Variants in HMCN2 observed in about 807,000 individuals in gnomAD.
HMCN2 encodes hemicentin-2.
Under a neutral mutation model 377.5 loss-of-function variants are expected in HMCN2, and 325 were observed. The observed-to-expected ratio is 0.86, with a 90% CI of 0.79 to 0.94. HMCN2 has a LOEUF of 0.94. Ranked by LOEUF, HMCN2 falls within the 40% of genes least tolerant of loss-of-function variation. HMCN2 has a pLI of 0.00. For missense variants in HMCN2, 4,543 were observed against 4,725.3 expected (o/e 0.96, Z 1.13); for synonymous variants, 2,007 against 2,046.8 (o/e 0.98, Z 0.53).
chr9:130,393,237 G>A lies in HMCN2; in HGVS notation c.10162G>A (p.Ala3388Thr), dbSNP rs998833532. Reference protein sequence around the residue: ...LRISKVQLADAGIFTCVAASP... With the variant: ...LRISKVQLADTGIFTCVAASP... The stretch of plus-strand genomic sequence containing the variant: ...GATTTCCAAGGTGCAATTGGCAGAC[G>A]CTGGCATCTTCACCTGTGTGGCCGC... Residue 3388 changes from alanine to threonine, a missense_variant, in exon 67 of 98, where the codon GCT becomes ACT. Physicochemically the swap from Ala to Thr is moderately conservative, Grantham distance 58. Coordinates refer to ENST00000683500, the MANE Select transcript of HMCN2 (RefSeq NM_001291815.2). The surrounding 1 kb of genome is among the most constrained non-coding windows in gnomAD (Gnocchi z 5.2). 128 of 988,306 alleles carry A rather than the reference G, an allele frequency of 1.3e-4. 1 individual carries two copies. Among genetic ancestry groups the A allele is most frequent in the African/African-American group, 6.1e-4 (35 of 57,436 alleles). 61.2% of individuals were successfully genotyped at this position (988,306 alleles called of 1,614,324 possible).
At chr9:130,364,977 C>A (rs969027172) in intron 41 of HMCN2, 88 bp downstream of exon 41, 6 of 793,700 alleles carry the variant, frequency 7.6e-6, no homozygotes, top group African/African-American at 3.7e-5. Flanking sequence ...CAGTGACCTG[C>A]AAGCCCCTTT....
In HMCN2 at chr9:130,357,517, ATGGATGGGTGGG is replaced by A. The variant is rs1840107326; in HGVS notation, c.5426-309_5426-298del. ...GGCTAGCTGGATGGATTGGTAGATGATGGATGGGTGGGTGGATGGATGGAAGGATGGATAGAC... is the reference window on the plus strand; with the variant it reads ...GGCTAGCTGGATGGATTGGTAGATGATGGATGGATGGAAGGATGGATAGAC... On this transcript the variant is annotated intron_variant, in intron 34 of 97. Coordinates refer to ENST00000683500, the MANE Select transcript of HMCN2 (RefSeq NM_001291815.2). Among the ~76,000 whole-genome samples, 3 of 151,982 alleles carry A rather than the reference ATGGATGGGTGGG, an allele frequency of 2.0e-5. No individual in the cohort carries two copies. In the South Asian group the frequency reaches 6.2e-4, roughly 32 times the overall value.
chr9:130,372,163 C>G (rs2131600204), intron 46 of HMCN2, 131 bp from the exon 47 acceptor site: 1 of 167,642 alleles, frequency 6.0e-6, no homozygotes, highest in East Asian at 1.9e-4. Flanking sequence ...ATCTGAGGAA[C>G]AGGACACAAT....
At chr9:130,430,066 A>C in intron 94 of HMCN2, 1 of 607,832 alleles carries the variant, frequency 1.6e-6, no homozygotes, top group Non-Finnish European at 2.9e-6. Flanking sequence ...GACGAGGCTG[A>C]GAGCTGGGGA....
At chr9:130,288,068 T>C (rs782337418) in intron 4 of HMCN2, among the ~76,000 whole-genome samples, 11 of 152,218 alleles carry the variant, frequency 7.2e-5, no homozygotes, top group Non-Finnish European at 1.5e-4. Flanking sequence ...GGAGGCATTT[T>C]ACAGTGGAAG....
At chr9:130,268,592 C>T (rs374228113) in intron 1 of HMCN2, among the ~76,000 whole-genome samples, 4 of 149,614 alleles carry the variant, frequency 2.7e-5, no homozygotes, top group East Asian at 3.9e-4. Flanking sequence ...AAAGACCCCC[C>T]CCTGAGGAAG....
chr9:130,380,876 T>A (rs1335636315), intron 54 of HMCN2, among the ~76,000 whole-genome samples: 1 of 151,248 alleles, frequency 6.6e-6, no homozygotes, highest in Non-Finnish European at 1.5e-5. Flanking sequence ...ATTAGAAACC[T>A]CTGGACAGAC....
rs1193177543 is a variant in HMCN2, at chr9:130,394,024, T to C, written c.10501+16T>C. The C allele has an allele frequency of 3.3e-6, 4 of 1,220,424 alleles. No individual in the cohort carries two copies. The Admixed American group carries it at 1.2e-4, about 37-fold the overall frequency. The allele number at this position is 1,220,424 out of a possible 1,614,324, so 75.6% of individuals were successfully genotyped here. On this transcript the variant is annotated intron_variant, in intron 68 of 97. Transcript: ENST00000683500. The surrounding 1 kb of genome is among the most constrained non-coding windows in gnomAD (Gnocchi z 5.1). The stretch of plus-strand genomic sequence containing the variant: ...ACCGTCATGGGTGGGTCCTCTGGCC[T>C]CTGGCCAGCTTCTCTGGGCTCGGGG...
At position 130,355,760 on chromosome 9, in the gene HMCN2, C is replaced by T; in HGVS notation, c.5161C>T (p.Leu1721=). Residue 1721 remains leucine (L), a synonymous_variant, in exon 33 of 98, where the codon CTG becomes TTG. Coordinates refer to ENST00000683500, the MANE Select transcript of HMCN2 (RefSeq NM_001291815.2). ...TCTGCCTGCAGTGCCCCCACAGCTCCTGGTGGCTGAAGGCTTGGGACAGGT... is the reference window on the plus strand; with the variant it reads ...TCTGCCTGCAGTGCCCCCACAGCTCTTGGTGGCTGAAGGCTTGGGACAGGT... ...SVEVQVPPQL[L]VAEGLGQVTT... is the part of the protein sequence containing the mutation. 7.7e-7 allele frequency: 1 copy of T among 1,303,490 alleles called. No homozygotes were observed. The highest frequency in any genetic ancestry group is 1.0e-6 in the Non-Finnish European group (1 of 988,892). 80.7% of individuals were successfully genotyped at this position (1,303,490 alleles called of 1,614,324 possible).
intron 40 of HMCN2, 79 bp from the exon 41 acceptor site, chr9:130,364,635 G>C: frequency 1.3e-6 from 1 of 782,154 alleles, no homozygotes; most frequent in Non-Finnish European, 1.6e-6. Flanking sequence ...GAGTAGCTAG[G>C]CCTGACCCAG....
intron 37 of HMCN2, among the ~76,000 whole-genome samples, 175 bp downstream of exon 37, chr9:130,359,589 G>A (rs1465942963): frequency 6.6e-6 from 1 of 152,202 alleles, no homozygotes; most frequent in Non-Finnish European, 1.5e-5. Flanking sequence ...TTCGGGCCAA[G>A]GCCATGTTAG....
At chr9:130,396,390 C>G in intron 73 of HMCN2, 77 bp downstream of exon 73, 1 of 1,158,108 alleles carries the variant, frequency 8.6e-7, no homozygotes, top group South Asian at 1.4e-5. Context: ...CTCACTTGGG[C>G]AATTGGAGCA....
intron 1 of HMCN2, among the ~76,000 whole-genome samples, chr9:130,281,102 G>A (rs1317497340): frequency 2.1e-5 from 3 of 145,532 alleles, no homozygotes; most frequent in Non-Finnish European, 1.5e-5. Flanking sequence ...GACTCTGTCT[G>A]AAAAAAAAAA....
chr9:130,333,638 C>T (rs1397552129), intron 22 of HMCN2, among the ~76,000 whole-genome samples: 3 of 152,236 alleles, frequency 2.0e-5, no homozygotes, highest in East Asian at 1.9e-4. Flanking sequence ...GCCTGTTCCT[C>T]GGAGACTCTG....
rs555194710 is a variant in HMCN2 at position 130,299,289 on chromosome 9, G to A, written c.1276+1G>A. ...GTGTCCTACAGTGGGGTGGCCCCAG[G>A]TGAGTGGTTGGCTCTTTTGTCTCCC... On this transcript the variant is annotated splice_donor_variant, in intron 8 of 97. Transcript: ENST00000683500. LOFTEE classifies it high-confidence loss of function. 467 of 451,704 alleles carry A rather than the reference G, an allele frequency of 1.0e-3. 3 individuals are homozygous for A. Among genetic ancestry groups the A allele is most frequent in the Middle Eastern group, 4.0e-3 (12 of 2,968 alleles). 28.0% of individuals were successfully genotyped at this position (451,704 alleles called of 1,614,324 possible).
rs1554935266 is a variant in HMCN2, at chr9:130,303,451, T to C, written c.1422-36T>C. 1 of 422,540 alleles carries C rather than the reference T, an allele frequency of 2.4e-6. No homozygotes were observed. Among genetic ancestry groups the C allele is most frequent in the Admixed American group, 2.7e-5 (1 of 37,332 alleles). The allele number at this position is 422,540 out of a possible 1,614,324, so 26.2% of individuals were successfully genotyped here. A position where few individuals can be genotyped will look rare whatever the true frequency, so the allele number is the denominator to read the frequency against. On this transcript the variant is annotated intron_variant, in intron 9 of 97. Coordinates refer to ENST00000683500, the MANE Select transcript of HMCN2 (RefSeq NM_001291815.2). This position sits in a 1 kb window ranked among gnomAD's most constrained non-coding sequence, Gnocchi z 5.2. ...GGGGGGGACCCTGAGTGGGGGTCAG[T>C]GTGATTGTGTGTCTCCCACTGTTCC...
Position 130,286,174 on chromosome 9 carries a change from C to T in HMCN2, c.490-14C>T, listed in dbSNP as rs371480706. The T allele has an allele frequency of 4.5e-5, 21 of 470,308 alleles. No individual in the cohort carries two copies. The East Asian group carries it at 1.2e-3, about 28-fold the overall frequency. The allele number at this position is 470,308 out of a possible 1,614,324, so 29.1% of individuals were successfully genotyped here. On this transcript the variant is annotated splice_polypyrimidine_tract_variant and intron_variant, in intron 3 of 97. Transcript: ENST00000683500. ...CCAGGGAAGTCGAGAGCAGGCTGCA[C>T]GTCCATCTTCCAGGTGGTCTTTGTG...
At position 130,308,049 on chromosome 9, in the gene HMCN2, TG is replaced by T. The variant is rs1836986573; in HGVS notation, c.2200+486del. On this transcript the variant is annotated intron_variant, in intron 14 of 97. Coordinates refer to ENST00000683500, the MANE Select transcript of HMCN2 (RefSeq NM_001291815.2). The surrounding 1 kb of genome is among the most constrained non-coding windows in gnomAD (Gnocchi z 4.1). ...TCGGCTCACTGCAGCCTCCACCTCC[TG>T]GGTTCAAGGGATTCTCGTGCCTCAG... Among the ~76,000 whole-genome samples the T allele has an allele frequency of 6.6e-6, 1 of 151,938 alleles. No individual in the cohort carries two copies. Among genetic ancestry groups the T allele is most frequent in the Non-Finnish European group, 1.5e-5 (1 of 67,982 alleles).
intron 14 of HMCN2, among the ~76,000 whole-genome samples, chr9:130,309,283 G>A (rs1446959387): frequency 6.6e-6 from 1 of 152,106 alleles, no homozygotes; most frequent in Non-Finnish European, 1.5e-5. Context: ...GGAGCCCGAG[G>A]TGGGCAGATC....
Sources: allele counts gnomAD v4.1 joint callset (sites outside exome capture counted in the v4.1 genomes callset), GRCh38; gene constraint gnomAD v4.1.1; non-coding constraint Gnocchi (gnomAD v3.1); transcripts MANE v1.5; gene names NCBI Gene and HGNC (gene_info 2026-07-23, HGNC 2026-07-21).